Variants in PLEKHA7 observed in about 807,000 individuals in gnomAD.
The protein encoded by PLEKHA7 is pleckstrin homology domain containing A7.
A neutral mutation model predicts 170.0 loss-of-function variants in PLEKHA7; 104 were observed. That is an observed-to-expected ratio of 0.61 (90% CI 0.52 to 0.72). The LOEUF is 0.72. Among genes scored for constraint, PLEKHA7 ranks in the 30% least tolerant of loss-of-function variants. PLEKHA7 has a pLI of 0.00. For missense variants in PLEKHA7, 1,615 were observed against 1,671.7 expected (o/e 0.97, Z 0.59); for synonymous variants, 648 against 660.8 (o/e 0.98, Z 0.30).
At chr11:16,907,270 C>A (rs1204887890) in intron 3 of PLEKHA7, among the ~76,000 whole-genome samples, 1 of 144,816 alleles carries the variant, frequency 6.9e-6, no homozygotes, top group Non-Finnish European at 1.5e-5. Flanking sequence ...GGGGGGTCAG[C>A]CCCCCGCCCG....
chr11:16,854,157 G>A (rs1473132162), intron 6 of PLEKHA7, among the ~76,000 whole-genome samples: 2 of 152,210 alleles, frequency 1.3e-5, no homozygotes, highest in Non-Finnish European at 2.9e-5. Context: ...GACTGGCAAG[G>A]AGAGAAGGAG....
At chr11:16,840,561 A>C (rs1364455982) in intron 9 of PLEKHA7, among the ~76,000 whole-genome samples, 3 of 151,050 alleles carry the variant, frequency 2.0e-5, no homozygotes. Flanking sequence ...ACTCTGTCTG[A>C]AAACAAAACA....
chr11:16,924,646 C>A (rs1859360814), intron 3 of PLEKHA7, among the ~76,000 whole-genome samples: 1 of 152,142 alleles, frequency 6.6e-6, no homozygotes, highest in African/African-American at 2.4e-5. Flanking sequence ...GAAAGGGGAA[C>A]CCTTCGGGGG....
rs149483639 is a variant in PLEKHA7 at position 16,817,711 on chromosome 11, A to G, written c.1344-389T>C. ...CTCTCTGCCTGGTATCCTTAGCACC[A>G]AGTTCCAGAGGTTCATAAAGGAAGT... On this transcript the variant is annotated intron_variant, in intron 10 of 26. Coordinates refer to ENST00000531066, the MANE Select transcript of PLEKHA7 (RefSeq NM_001329630.2). The surrounding 1 kb of genome is among the most constrained non-coding windows in gnomAD (Gnocchi z 4.4). Among the ~76,000 whole-genome samples, 491 of 152,262 alleles carry G rather than the reference A, an allele frequency of 3.2e-3. 2 individuals carry two copies. Among genetic ancestry groups the G allele is most frequent in the Non-Finnish European group, 5.4e-3 (367 of 68,014 alleles).
At chr11:16,879,965 A>T (rs1402273659) in intron 3 of PLEKHA7, among the ~76,000 whole-genome samples, 1 of 152,234 alleles carries the variant, frequency 6.6e-6, no homozygotes, top group Non-Finnish European at 1.5e-5. Flanking sequence ...CTACTTGGTG[A>T]ATAGAAAGTT....
chr11:16,898,592 T>C (rs781359882), intron 3 of PLEKHA7, among the ~76,000 whole-genome samples: 8 of 152,192 alleles, frequency 5.3e-5, no homozygotes, highest in Non-Finnish European at 7.3e-5. Flanking sequence ...GCCCAGTCCA[T>C]AGTGAGCTAC....
intron 3 of PLEKHA7, among the ~76,000 whole-genome samples, chr11:16,978,962 T>C (rs547048702): frequency 6.6e-6 from 1 of 152,088 alleles, no homozygotes; most frequent in Non-Finnish European, 1.5e-5. Context: ...GTCACAGGGG[T>C]CCTCTAAAAC....
intron 4 of PLEKHA7, among the ~76,000 whole-genome samples, chr11:16,861,050 C>G (rs1456851907): frequency 6.6e-6 from 1 of 152,214 alleles, no homozygotes; most frequent in Non-Finnish European, 1.5e-5. Flanking sequence ...CCCAGCTACA[C>G]TTTATTTCCA....
intron 13 of PLEKHA7, chr11:16,812,622 C>T (rs1849450882): frequency 6.6e-6 from 1 of 152,548 alleles, no homozygotes; most frequent in Non-Finnish European, 1.5e-5. Flanking sequence ...TTATCACCTA[C>T]AGGGAGGGGC....
chr11:16,940,068 A>C (rs768554429), intron 3 of PLEKHA7, among the ~76,000 whole-genome samples: 11 of 152,146 alleles, frequency 7.2e-5, no homozygotes, highest in Non-Finnish European at 1.3e-4. Flanking sequence ...AGCTGTGTGG[A>C]TCTGTCTCCC....
intron 9 of PLEKHA7, among the ~76,000 whole-genome samples, chr11:16,840,800 G>A (rs1851890502): frequency 6.6e-6 from 1 of 152,068 alleles, no homozygotes; most frequent in African/African-American, 2.4e-5. Context: ...ATAAAGCTAG[G>A]AAGTACCACG....
chr11:16,903,148 TA>T (rs879383839), intron 3 of PLEKHA7, among the ~76,000 whole-genome samples: 3 of 152,246 alleles, frequency 2.0e-5, no homozygotes, highest in Admixed American at 6.5e-5. Context: ...TTCACTGTAT[TA>T]AATCCATTTC....
chr11:16,887,905 T>C (rs1856267545), intron 3 of PLEKHA7, among the ~76,000 whole-genome samples: 1 of 145,420 alleles, frequency 6.9e-6, no homozygotes, highest in African/African-American at 2.6e-5. Context: ...GTCTGGGAAG[T>C]GAGGAGTGCC....
chr11:17,009,751 T>G (rs1284535441), intron 3 of PLEKHA7, among the ~76,000 whole-genome samples: 1 of 152,060 alleles, frequency 6.6e-6, no homozygotes, highest in Non-Finnish European at 1.5e-5. Context: ...TCCTCACACT[T>G]AAGCCTCTCA....
In PLEKHA7 at chr11:16,871,168, G is replaced by A. The variant is rs949123135; in HGVS notation, c.236C>T (p.Thr79Ile). The A allele has an allele frequency of 6.2e-6, 10 of 1,608,456 alleles. No homozygotes were observed. The highest frequency in any genetic ancestry group is 8.5e-6 in the Non-Finnish European group (10 of 1,174,996). ...CGTCACAGGATGCCTGAATGCTGTG[G>A]TCTGCTGGTTATGGCTAAAGAGAAA... ...ASYFIDHNQQ[T>I]TAFRHPVTGQ... Residue 79 changes from threonine (T) to isoleucine (I), a missense_variant, in exon 4 of 27, where the codon ACC (threonine) becomes ATC (isoleucine). Coordinates refer to ENST00000531066, the MANE Select transcript of PLEKHA7 (RefSeq NM_001329630.2).
At chr11:16,908,005 AG>A (rs1282360948) in intron 3 of PLEKHA7, among the ~76,000 whole-genome samples, 1 of 151,066 alleles carries the variant, frequency 6.6e-6, no homozygotes, top group Non-Finnish European at 1.5e-5. Context: ...GTGTCCACTC[AG>A]GGTTAAATGG....
chr11:16,977,489 C>G (rs1381134341), intron 3 of PLEKHA7, among the ~76,000 whole-genome samples: 1 of 152,194 alleles, frequency 6.6e-6, no homozygotes, highest in East Asian at 1.9e-4. Context: ...CTCCCGATCC[C>G]CTGGTGTATT....
chr11:16,860,612 A>G (rs778637930), intron 4 of PLEKHA7, among the ~76,000 whole-genome samples: 8 of 152,302 alleles, frequency 5.3e-5, no homozygotes, highest in Middle Eastern at 3.4e-3. Context: ...CAGTTTTGGT[A>G]TCTCTATTTA....
At chr11:16,891,587 A>T (rs61475718) in intron 3 of PLEKHA7, among the ~76,000 whole-genome samples, 7,882 of 152,270 alleles carry the variant, frequency 0.052, 663 homozygotes, top group African/African-American at 0.18. Flanking sequence ...TTTACTACAA[A>T]TCCAATTAGT....
Sources: allele counts gnomAD v4.1 joint callset (sites outside exome capture counted in the v4.1 genomes callset), GRCh38; gene constraint gnomAD v4.1.1; non-coding constraint Gnocchi (gnomAD v3.1); transcripts MANE v1.5; gene names NCBI Gene and HGNC (gene_info 2026-07-23, HGNC 2026-07-21).